Variants in ROBO2 observed in about 807,000 individuals in gnomAD.
The protein encoded by ROBO2 is roundabout guidance receptor 2.
Under a neutral mutation model 160.8 loss-of-function variants are expected in ROBO2, and 53 were observed. The observed-to-expected ratio is 0.33, with a 90% CI of 0.26 to 0.41. ROBO2 has a LOEUF of 0.41. Ranked by LOEUF, ROBO2 falls within the 10% of genes least tolerant of loss-of-function variation. The pLI is 1.00. For missense variants in ROBO2, 1,577 were observed against 1,722.4 expected, an observed-to-expected ratio of 0.92 and a Z score of 1.49; for synonymous variants, 664 against 611.7, an observed-to-expected ratio of 1.09 and a Z score of -1.26.
At chr3:76,925,502 T>C (rs1157804288) in intron 2 of ROBO2, among the ~76,000 whole-genome samples, 2 of 152,194 alleles carry the variant, frequency 1.3e-5, no homozygotes, top group African/African-American at 4.8e-5. Context: ...ATTTTAATTA[T>C]ACCAAAATAT....
At chr3:76,324,828 T>C (rs1489039060) in intron 2 of ROBO2, among the ~76,000 whole-genome samples, 5 of 152,224 alleles carry the variant, frequency 3.3e-5, no homozygotes, top group African/African-American at 1.2e-4. Flanking sequence ...TGAAGTTGAC[T>C]ATTAATAGGA....
At chr3:76,911,216 T>C (rs2075972107) in intron 2 of ROBO2, among the ~76,000 whole-genome samples, 1 of 152,190 alleles carries the variant, frequency 6.6e-6, no homozygotes, top group South Asian at 2.1e-4. Context: ...AAAATGACTG[T>C]CAATAAGTAG....
intron 2 of ROBO2, among the ~76,000 whole-genome samples, chr3:76,753,442 T>G (rs1388912398): frequency 2.0e-5 from 3 of 151,896 alleles, no homozygotes; most frequent in Non-Finnish European, 4.4e-5. Flanking sequence ...AAATTATACT[T>G]TTATTTCAAA....
intron 2 of ROBO2, among the ~76,000 whole-genome samples, chr3:76,624,796 C>CAAAAAAAAAAAAAAAAA (rs57920315): frequency 1.7e-4 from 8 of 46,326 alleles, no homozygotes; most frequent in African/African-American, 6.2e-4. Flanking sequence ...GACTCCGTCT[C>CAAAAAAAAAAAAAAAAA]AAAAAAAAAA....
At chr3:77,221,147 T>G (rs1236566945) in intron 2 of ROBO2, among the ~76,000 whole-genome samples, 2 of 152,180 alleles carry the variant, frequency 1.3e-5, no homozygotes, top group Non-Finnish European at 2.9e-5. Context: ...TGTCTTTCCA[T>G]GGCTCTAGTG....
chr3:76,014,951 A>T (rs2066363475), intron 2 of ROBO2, among the ~76,000 whole-genome samples: 1 of 152,152 alleles, frequency 6.6e-6, no homozygotes, highest in Non-Finnish European at 1.5e-5. Context: ...ATAAAGACAT[A>T]CATACATACA....
chr3:77,582,682 C>CT (rs894652867), intron 16 of ROBO2, among the ~76,000 whole-genome samples: 15 of 151,920 alleles, frequency 9.9e-5, no homozygotes, highest in Middle Eastern at 3.4e-3. Context: ...TTCCTCTCAT[C>CT]TTTTTTTTGT....
At chr3:76,589,402 G>A (rs1004711319) in intron 2 of ROBO2, among the ~76,000 whole-genome samples, 4 of 152,040 alleles carry the variant, frequency 2.6e-5, no homozygotes, top group Non-Finnish European at 4.4e-5. Context: ...CGAGGTTCCC[G>A]CCATTCTCCT....
chr3:77,615,860 G>A (rs571347154), intron 21 of ROBO2, among the ~76,000 whole-genome samples: 1 of 152,244 alleles, frequency 6.6e-6, no homozygotes, highest in Admixed American at 6.5e-5. Context: ...GCATTCAAGT[G>A]AAAATATTCA....
chr3:77,465,041 G>T (rs1345931069), intron 2 of ROBO2, among the ~76,000 whole-genome samples: 1 of 152,030 alleles, frequency 6.6e-6, no homozygotes, highest in Non-Finnish European at 1.5e-5. Flanking sequence ...TGTTGTTGCT[G>T]ACACTTTAGA....
intron 2 of ROBO2, among the ~76,000 whole-genome samples, chr3:76,645,052 A>G (rs912312484): frequency 2.6e-5 from 4 of 152,188 alleles, no homozygotes; most frequent in South Asian, 2.1e-4. Context: ...TTGGGAATCA[A>G]TGTGTACAGG....
At position 76,825,864 on chromosome 3, in the gene ROBO2, G is replaced by A. The variant is rs189412691; in HGVS notation, c.110-272150G>A. On this transcript the variant is annotated intron_variant, in intron 2 of 26. Coordinates refer to the ROBO2 transcript ENST00000487694. Reference sequence around the variant, plus strand: ...CAGATTCCTAAAACTGTTAACATTCGTTCCGTTGAGTTTACAAAAAAAGCA... The same window carrying A: ...CAGATTCCTAAAACTGTTAACATTCATTCCGTTGAGTTTACAAAAAAAGCA... 2.9e-3 allele frequency among the ~76,000 whole-genome samples: 440 copies of A among 151,878 alleles called. 4 individuals carry two copies. The highest frequency in any genetic ancestry group is 6.4e-3 in the Admixed American group (98 of 15,204).
At chr3:77,430,825 G>GT (rs1200037209) in intron 2 of ROBO2, among the ~76,000 whole-genome samples, 23 of 152,310 alleles carry the variant, frequency 1.5e-4, no homozygotes, top group African/African-American at 4.8e-4. Flanking sequence ...TAAGATATGT[G>GT]TAACACCCTT....
chr3:76,911,415 C>T (rs771866296), intron 2 of ROBO2, among the ~76,000 whole-genome samples: 1 of 152,036 alleles, frequency 6.6e-6, no homozygotes, highest in East Asian at 1.9e-4. Flanking sequence ...AACCAAAATA[C>T]AAGGAAGTTA....
intron 2 of ROBO2, among the ~76,000 whole-genome samples, chr3:77,237,421 G>A (rs868657120): frequency 1.4e-5 from 2 of 148,084 alleles, no homozygotes; most frequent in African/African-American, 5.1e-5. Flanking sequence ...TTGTGTGTGT[G>A]TGTGTGTGTG....
intron 2 of ROBO2, among the ~76,000 whole-genome samples, chr3:76,622,216 AAGGAAGGAAGGAAGGAAGG>A (rs2089162771): frequency 2.2e-5 from 1 of 46,050 alleles, no homozygotes; most frequent in African/African-American, 9.9e-5. Context: ...GGAAGGAAGG[AAGGAAGGAAGGAAGGAAGG>A]AAGAAAGAAA....
intron 19 of ROBO2, 97 bp from the exon 21 acceptor site, chr3:77,602,113 C>A (rs763456672): frequency 2.4e-6 from 3 of 1,236,014 alleles, no homozygotes; most frequent in African/African-American, 1.5e-5. Flanking sequence ...GAAATGCAAA[C>A]GTGCAGTGTG....
chr3:77,469,532 A>G (rs1235919665), intron 2 of ROBO2, among the ~76,000 whole-genome samples: 3 of 152,088 alleles, frequency 2.0e-5, no homozygotes, highest in African/African-American at 7.2e-5. Flanking sequence ...TTTATGAGTG[A>G]CCATCATTGT....
intron 2 of ROBO2, among the ~76,000 whole-genome samples, chr3:76,047,296 TAGGG>T (rs2067483465): frequency 6.6e-6 from 1 of 152,134 alleles, no homozygotes; most frequent in Non-Finnish European, 1.5e-5. Context: ...TATAGCTAAA[TAGGG>T]AGAGAGGAGA....
Sources: gnomAD v4.1 joint callset for allele counts (sites outside exome capture counted in the v4.1 genomes callset) on GRCh38, gnomAD v4.1.1 for gene constraint, MANE v1.5 for transcripts, NCBI Gene and HGNC (gene_info 2026-07-23, HGNC 2026-07-21) for gene names.